Variants in DST observed in about 807,000 individuals in gnomAD.
DST encodes the protein bullous pemphigoid antigen.
A neutral mutation model predicts 875.2 loss-of-function variants in DST; 253 were observed. The observed-to-expected ratio is 0.29, with a 90% confidence interval of 0.26 to 0.32. DST has a LOEUF of 0.32. Among genes scored for constraint, DST ranks in the 10% least tolerant of loss-of-function variants. The pLI, the probability that DST is intolerant of heterozygous loss-of-function variation, is 1.00. For missense variants in DST, 8,287 were observed against 9,111.6 expected (o/e 0.91, Z 3.68); for synonymous variants, 3,124 against 3,197.1 (o/e 0.98, Z 0.77).
chr6:56,690,230 T>C lies in DST; in HGVS notation c.1047+9423A>G, dbSNP rs544923384. On this transcript the variant is annotated intron_variant, in intron 9 of 103. Coordinates refer to ENST00000680361, the MANE Select transcript of DST (RefSeq NM_001374736.1). ...AGTTTCCATTTTTTCATTCTGTATATGAGGCATAGTCTATTTTGCCTATTT... is the reference window on the plus strand; with the variant it reads ...AGTTTCCATTTTTTCATTCTGTATACGAGGCATAGTCTATTTTGCCTATTT... Among the ~76,000 whole-genome samples the C allele has an allele frequency of 3.9e-5, 6 of 152,310 alleles. No homozygotes were observed. In the South Asian group the frequency reaches 1.2e-3, roughly 32 times the overall value.
At chr6:56,584,530 T>C (rs1271811576) in intron 49 of DST, among the ~76,000 whole-genome samples, 1 of 149,924 alleles carries the variant, frequency 6.7e-6, no homozygotes, top group Middle Eastern at 3.4e-3. Flanking sequence ...ACAATCATGT[T>C]GCCTGCAAAC....
At chr6:56,461,491 A>G (rs1346112726) in intron 102 of DST, 1 of 152,216 alleles carries the variant, frequency 6.6e-6, no homozygotes, top group Non-Finnish European at 1.5e-5. Context: ...TATGAAACAT[A>G]CCACTCAAGG....
intron 4 of DST, among the ~76,000 whole-genome samples, chr6:56,813,925 T>A (rs138548727): frequency 6.6e-5 from 10 of 152,280 alleles, no homozygotes; most frequent in African/African-American, 2.4e-4. Flanking sequence ...TTGTAGGTAT[T>A]AAAACAGATC....
intron 3 of DST, among the ~76,000 whole-genome samples, chr6:56,884,198 C>T (rs1783562057): frequency 6.6e-6 from 1 of 151,776 alleles, no homozygotes; most frequent in Non-Finnish European, 1.5e-5. Flanking sequence ...GTTTATTCAC[C>T]CAAATAAGGC....
At chr6:56,664,264 T>C (rs892941280) in intron 10 of DST, among the ~76,000 whole-genome samples, 1 of 152,196 alleles carries the variant, frequency 6.6e-6, no homozygotes, top group African/African-American at 2.4e-5. Flanking sequence ...GTTTTGGAAT[T>C]TGGCTTTCAT....
At chr6:56,483,455 C>T (rs1403762047) in intron 88 of DST, 1 of 145,878 alleles carries the variant, frequency 6.9e-6, no homozygotes, top group African/African-American at 2.5e-5. Flanking sequence ...ATCTTAGGTA[C>T]TAACTCATAA....
At chr6:56,782,100 C>CG (rs1015509284) in intron 4 of DST, among the ~76,000 whole-genome samples, 227 of 152,116 alleles carry the variant, frequency 1.5e-3, no homozygotes, top group South Asian at 3.5e-3. Flanking sequence ...ATAAGCTTTT[C>CG]GATGTGCTGC....
At chr6:56,778,094 T>C (rs1335563339) in intron 4 of DST, among the ~76,000 whole-genome samples, 1 of 152,158 alleles carries the variant, frequency 6.6e-6, no homozygotes, top group Non-Finnish European at 1.5e-5. Context: ...AAATTTATTA[T>C]ATCACGTATA....
At chr6:56,852,023 G>A in intron 3 of DST, 4 of 1,431,728 alleles carry the variant, frequency 2.8e-6, no homozygotes, top group Non-Finnish European at 3.6e-6. Context: ...ATTCATCAAT[G>A]CAACTAACTC....
At chr6:56,779,018 T>C (rs916713379) in intron 4 of DST, among the ~76,000 whole-genome samples, 1 of 152,116 alleles carries the variant, frequency 6.6e-6, no homozygotes, top group African/African-American at 2.4e-5. Flanking sequence ...AAAGTGTTCC[T>C]ATTTCTCCAC....
chr6:56,780,009 AATG>A (rs2099689351), intron 4 of DST, among the ~76,000 whole-genome samples: 1 of 150,776 alleles, frequency 6.6e-6, no homozygotes, highest in South Asian at 2.1e-4. Context: ...GTTTACTGAG[AATG>A]ATGATTTCCA....
intron 4 of DST, among the ~76,000 whole-genome samples, chr6:56,813,544 T>C (rs2099763179): frequency 6.6e-6 from 1 of 152,150 alleles, no homozygotes; most frequent in South Asian, 2.1e-4. Context: ...TTCTTTTACC[T>C]ACCAACAGTT....
At chr6:56,478,150 T>C (rs1486707469) in intron 90 of DST, among the ~76,000 whole-genome samples, 1 of 152,162 alleles carries the variant, frequency 6.6e-6, no homozygotes, top group East Asian at 1.9e-4. Flanking sequence ...GAAACAATAC[T>C]GATTGACCAA....
intron 4 of DST, among the ~76,000 whole-genome samples, chr6:56,833,928 T>A (rs1219580986): frequency 2.0e-5 from 3 of 150,950 alleles, no homozygotes; most frequent in Admixed American, 6.6e-5. Context: ...AAAAAAAAAA[T>A]TTAAAGTGGG....
chr6:56,735,620 G>A (rs1404012221), intron 4 of DST, among the ~76,000 whole-genome samples: 3 of 151,316 alleles, frequency 2.0e-5, no homozygotes, highest in Non-Finnish European at 4.4e-5. Context: ...ATTTCCCAAA[G>A]CCCTTTACCA....
chr6:56,701,302 C>T (rs2099304168), intron 8 of DST, among the ~76,000 whole-genome samples: 1 of 151,952 alleles, frequency 6.6e-6, no homozygotes, highest in African/African-American at 2.4e-5. Flanking sequence ...AGATCATATC[C>T]AATATATTAA....
At chr6:56,913,481 C>A (rs1264127195) in intron 2 of DST, among the ~76,000 whole-genome samples, 1 of 152,192 alleles carries the variant, frequency 6.6e-6, no homozygotes, top group African/African-American at 2.4e-5. Context: ...TGGAACACAG[C>A]CATGTCCATT....
chr6:56,563,224 T>C (rs1436082793), intron 55 of DST, among the ~76,000 whole-genome samples: 1 of 152,314 alleles, frequency 6.6e-6, no homozygotes, highest in South Asian at 2.1e-4. Context: ...GTGTTCCTAT[T>C]TCTCCACATC....
At chr6:56,728,367 A>G (rs1404511368) in intron 5 of DST, among the ~76,000 whole-genome samples, 3 of 152,204 alleles carry the variant, frequency 2.0e-5, no homozygotes, top group South Asian at 4.1e-4. Flanking sequence ...AAAAATGTCA[A>G]TTTCATACAA....
Sources: gnomAD v4.1 joint callset for allele counts (sites outside exome capture counted in the v4.1 genomes callset) on GRCh38, gnomAD v4.1.1 for gene constraint, MANE v1.5 for transcripts, NCBI Gene and HGNC (gene_info 2026-07-23, HGNC 2026-07-21) for gene names.